DLG2: variants seen among roughly 807,000 people sequenced by gnomAD.
DLG2 encodes the protein discs large MAGUK scaffold protein 2, also known as disks large homolog 2.
Under a neutral mutation model 132.5 loss-of-function variants are expected in DLG2, and 45 were observed. That is an observed-to-expected ratio of 0.34 (90% CI 0.27 to 0.44). DLG2 has a LOEUF of 0.44. Ranked by LOEUF, DLG2 falls within the 20% of genes least tolerant of loss-of-function variation. The pLI is 1.00. For synonymous variants in DLG2, 424 were observed against 419.6 expected, an observed-to-expected ratio of 1.01 and a Z score of -0.13; for missense variants, 1,045 against 1,196.9, an observed-to-expected ratio of 0.87 and a Z score of 1.87.
At chr11:84,844,083 G>A (rs865844759) in intron 6 of DLG2, among the ~76,000 whole-genome samples, 3 of 84,072 alleles carry the variant, frequency 3.6e-5, no homozygotes, top group Admixed American at 1.0e-4. Flanking sequence ...GTGTGTGTGT[G>A]TGTATATATA....
At chr11:85,429,205 A>C (rs975536802) in intron 3 of DLG2, among the ~76,000 whole-genome samples, 3 of 152,350 alleles carry the variant, frequency 2.0e-5, no homozygotes, top group Non-Finnish European at 2.9e-5. Flanking sequence ...AGGTACAAGG[A>C]GGAGCTGGTA....
chr11:83,662,974 G>A (rs1420240723), intron 18 of DLG2, among the ~76,000 whole-genome samples: 5 of 152,102 alleles, frequency 3.3e-5, no homozygotes, highest in South Asian at 2.1e-4. Context: ...CTCAGGAAAC[G>A]GCTTCCTGAG....
intron 4 of DLG2, among the ~76,000 whole-genome samples, chr11:85,251,856 A>C (rs909913335): frequency 5.3e-5 from 8 of 152,190 alleles, no homozygotes; most frequent in Admixed American, 1.3e-4. Context: ...TAACTTATTA[A>C]ATTTATTTTT....
chr11:84,881,837 C>A (rs2087394355), intron 6 of DLG2, among the ~76,000 whole-genome samples: 1 of 152,052 alleles, frequency 6.6e-6, no homozygotes, highest in Non-Finnish European at 1.5e-5. Flanking sequence ...AGGCTGTAGG[C>A]CTACACCTCT....
intron 6 of DLG2, among the ~76,000 whole-genome samples, chr11:84,584,815 A>G (rs900685158): frequency 7.4e-5 from 11 of 148,774 alleles, no homozygotes; most frequent in Non-Finnish European, 1.0e-4. Flanking sequence ...CAGCCTCCCA[A>G]GTAGCTGGGA....
At chr11:85,053,632 C>CAAAAAAAA (rs574119257) in intron 6 of DLG2, among the ~76,000 whole-genome samples, 2 of 91,180 alleles carry the variant, frequency 2.2e-5, no homozygotes, top group African/African-American at 4.7e-5. Flanking sequence ...ACTAAAAATA[C>CAAAAAAAA]AAAAAAAAAA....
chr11:85,201,267 C>T (rs1478815775), intron 4 of DLG2, among the ~76,000 whole-genome samples: 1 of 152,180 alleles, frequency 6.6e-6, no homozygotes. Context: ...GACCCACACA[C>T]CTCTGAGCCA....
At chr11:83,703,886 T>A (rs1050378542) in intron 18 of DLG2, among the ~76,000 whole-genome samples, 3 of 152,146 alleles carry the variant, frequency 2.0e-5, no homozygotes, top group Admixed American at 2.0e-4. Flanking sequence ...TTCCCTATTA[T>A]GGAATCTTAG....
At chr11:84,158,601 G>C (rs1478343406) in intron 9 of DLG2, among the ~76,000 whole-genome samples, 1 of 152,136 alleles carries the variant, frequency 6.6e-6, no homozygotes, top group Admixed American at 6.5e-5. Context: ...AATGGAGTTA[G>C]CAACATCTAC....
intron 4 of DLG2, among the ~76,000 whole-genome samples, chr11:85,194,543 C>G (rs191109649): frequency 4.6e-4 from 70 of 152,046 alleles, no homozygotes; most frequent in Middle Eastern, 6.8e-3. Context: ...CCAGAAGTCT[C>G]AGAGAGTAGA....
intron 6 of DLG2, among the ~76,000 whole-genome samples, chr11:84,722,664 C>G (rs1032836172): frequency 6.6e-6 from 1 of 152,154 alleles, no homozygotes; most frequent in Non-Finnish European, 1.5e-5. Flanking sequence ...GAGAGGAATG[C>G]AAGTCCTCTT....
At chr11:83,736,697 T>A (rs1186970365) in intron 18 of DLG2, among the ~76,000 whole-genome samples, 1 of 152,088 alleles carries the variant, frequency 6.6e-6, no homozygotes, top group East Asian at 1.9e-4. Flanking sequence ...CTCTCTAAAG[T>A]GCCTGTTTCT....
chr11:84,886,134 G>A (rs753925560), intron 6 of DLG2, among the ~76,000 whole-genome samples: 2 of 152,056 alleles, frequency 1.3e-5, no homozygotes, highest in Non-Finnish European at 2.9e-5. Context: ...GGAAGGTCAG[G>A]AAAAGCTTTG....
rs148925521 is a variant in DLG2, at chr11:84,348,242, C to G, written c.520-96951G>C. Reference sequence around the variant, plus strand: ...TATTTTCTTTTCTAGTACTATTTAACAAACTTATTAAGTAGAAATAATTAC... The same window carrying G: ...TATTTTCTTTTCTAGTACTATTTAAGAAACTTATTAAGTAGAAATAATTAC... On this transcript the variant is annotated intron_variant, in intron 7 of 27. Coordinates refer to ENST00000376104, the MANE Select transcript of DLG2 (RefSeq NM_001142699.3). Among the ~76,000 whole-genome samples, 14 of 152,094 alleles carry G rather than the reference C, an allele frequency of 9.2e-5. No homozygotes were observed. The East Asian group carries it at 1.9e-3, about 21-fold the overall frequency.
chr11:84,297,015 C>T (rs2098098466), intron 7 of DLG2, among the ~76,000 whole-genome samples: 1 of 151,096 alleles, frequency 6.6e-6, no homozygotes, highest in Admixed American at 6.6e-5. Flanking sequence ...AGCCTGTGGT[C>T]AGTATCTGGG....
At chr11:84,489,923 A>C (rs532867540) in intron 7 of DLG2, among the ~76,000 whole-genome samples, 171 of 152,252 alleles carry the variant, frequency 1.1e-3, no homozygotes, top group Non-Finnish European at 2.3e-3. Flanking sequence ...AGGAGAAAAA[A>C]GAGGCAGAAA....
At chr11:85,409,434 G>C (rs2089107580) in intron 3 of DLG2, among the ~76,000 whole-genome samples, 1 of 151,716 alleles carries the variant, frequency 6.6e-6, no homozygotes, top group Non-Finnish European at 1.5e-5. Context: ...TCAGGGTAAT[G>C]GTAAGCATTA....
At chr11:83,515,347 T>C (rs999847399) in intron 21 of DLG2, among the ~76,000 whole-genome samples, 5 of 152,228 alleles carry the variant, frequency 3.3e-5, no homozygotes, top group African/African-American at 1.2e-4. Flanking sequence ...GATGGTAGTT[T>C]GTGTTTCTGT....
chr11:84,268,599 C>G (rs2097677867), intron 7 of DLG2, among the ~76,000 whole-genome samples: 2 of 151,474 alleles, frequency 1.3e-5, no homozygotes, highest in Admixed American at 6.6e-5. Context: ...GTAGCTGGGA[C>G]TACAGGCGCA....
Sources: allele counts gnomAD v4.1 joint callset (sites outside exome capture counted in the v4.1 genomes callset), GRCh38; gene constraint gnomAD v4.1.1; transcripts MANE v1.5; gene names NCBI Gene and HGNC (gene_info 2026-07-23, HGNC 2026-07-21).